KCNJ3: variants seen among roughly 807,000 people sequenced by gnomAD.
KCNJ3 encodes G protein-activated inward rectifier potassium channel 1.
A neutral mutation model predicts 39.2 loss-of-function variants in KCNJ3; 4 were observed. The observed-to-expected ratio is 0.10, with a 90% CI of 0.05 to 0.23. The LOEUF is 0.23. Among genes scored for constraint, KCNJ3 ranks in the 10% least tolerant of loss-of-function variants. KCNJ3 has a pLI of 1.00. For synonymous variants in KCNJ3, 230 were observed against 237.4 expected (o/e 0.97, Z 0.29); for missense variants, 276 against 634.9 (o/e 0.43, Z 6.08).
chr2:154,838,214 G>A (rs1216021360), intron 2 of KCNJ3, among the ~76,000 whole-genome samples: 3 of 152,130 alleles, frequency 2.0e-5, no homozygotes, highest in Non-Finnish European at 4.4e-5. Context: ...TATGTCAACA[G>A]GTGGAGAGAT....
chr2:154,700,014 T>C (rs1052172916), intron 1 of KCNJ3, among the ~76,000 whole-genome samples: 18 of 152,292 alleles, frequency 1.2e-4, no homozygotes, highest in African/African-American at 1.7e-4. Flanking sequence ...CCAATGACTT[T>C]AACTCTATGG....
chr2:154,725,652 G>A (rs1272480163), intron 2 of KCNJ3, among the ~76,000 whole-genome samples: 1 of 151,858 alleles, frequency 6.6e-6, no homozygotes, highest in Non-Finnish European at 1.5e-5. Flanking sequence ...GTCAAAGCAA[G>A]ACTAAGCAAA....
chr2:154,769,010 T>C (rs1347867314), intron 2 of KCNJ3, among the ~76,000 whole-genome samples: 1 of 152,212 alleles, frequency 6.6e-6, no homozygotes, highest in Non-Finnish European at 1.5e-5. Flanking sequence ...TGTAGAGGAA[T>C]GCTTGTGATT....
At chr2:154,786,977 G>A (rs756109411) in intron 2 of KCNJ3, among the ~76,000 whole-genome samples, 6 of 152,076 alleles carry the variant, frequency 3.9e-5, no homozygotes, top group Non-Finnish European at 8.8e-5. Flanking sequence ...TTAGCTTTCT[G>A]TATAACTTGA....
At chr2:154,782,216 T>C (rs1686451109) in intron 2 of KCNJ3, among the ~76,000 whole-genome samples, 1 of 152,194 alleles carries the variant, frequency 6.6e-6, no homozygotes, top group Non-Finnish European at 1.5e-5. Flanking sequence ...TTAAACTTGG[T>C]TCTGCTACTT....
chr2:154,782,621 T>C (rs1686457946), intron 2 of KCNJ3, among the ~76,000 whole-genome samples: 1 of 152,028 alleles, frequency 6.6e-6, no homozygotes, highest in Non-Finnish European at 1.5e-5. Flanking sequence ...TATCTACTAA[T>C]AAATCTGTGT....
intron 2 of KCNJ3, among the ~76,000 whole-genome samples, chr2:154,718,621 C>T (rs1685218729): frequency 6.6e-6 from 1 of 152,110 alleles, no homozygotes; most frequent in Non-Finnish European, 1.5e-5. Flanking sequence ...TCTTTTTGCA[C>T]TTAGGATTGG....
At chr2:154,831,277 ACTC>A (rs1452204905) in intron 2 of KCNJ3, among the ~76,000 whole-genome samples, 33 of 152,008 alleles carry the variant, frequency 2.2e-4, no homozygotes, top group Middle Eastern at 3.4e-3. Flanking sequence ...AACACCAAAT[ACTC>A]CTTATCTGAT....
At chr2:154,717,584 C>A (rs1331503375) in intron 2 of KCNJ3, among the ~76,000 whole-genome samples, 1 of 152,160 alleles carries the variant, frequency 6.6e-6, no homozygotes, top group African/African-American at 2.4e-5. Flanking sequence ...GCCCAGGATT[C>A]TTCCTCCCGA....
chr2:154,794,639 G>A (rs1046092966), intron 2 of KCNJ3, among the ~76,000 whole-genome samples: 3 of 151,936 alleles, frequency 2.0e-5, no homozygotes, highest in Non-Finnish European at 4.4e-5. Flanking sequence ...CTTGCCAAAT[G>A]GCATCTTGCC....
At chr2:154,790,522 A>G (rs1686611872) in intron 2 of KCNJ3, among the ~76,000 whole-genome samples, 1 of 152,122 alleles carries the variant, frequency 6.6e-6, no homozygotes, top group South Asian at 2.1e-4. Context: ...ATAGGATGAT[A>G]GATACACTAA....
At chr2:154,711,185 G>C (rs1284858296) in intron 2 of KCNJ3, among the ~76,000 whole-genome samples, 1 of 151,854 alleles carries the variant, frequency 6.6e-6, no homozygotes, top group Non-Finnish European at 1.5e-5. Flanking sequence ...AAATATCATA[G>C]TATTTTTTAA....
chr2:154,817,590 G>T (rs1337518017), intron 2 of KCNJ3, among the ~76,000 whole-genome samples: 1 of 152,090 alleles, frequency 6.6e-6, no homozygotes, highest in Non-Finnish European at 1.5e-5. Flanking sequence ...GCTCTATTAG[G>T]TTATCTAATC....
intron 2 of KCNJ3, among the ~76,000 whole-genome samples, chr2:154,832,456 A>G (rs1182325003): frequency 6.6e-6 from 1 of 152,144 alleles, no homozygotes; most frequent in Non-Finnish European, 1.5e-5. Context: ...TTCTCTTTTA[A>G]GATTATAGCA....
At chr2:154,717,851 A>T (rs1318435951) in intron 2 of KCNJ3, among the ~76,000 whole-genome samples, 1 of 152,186 alleles carries the variant, frequency 6.6e-6, no homozygotes, top group Non-Finnish European at 1.5e-5. Context: ...CTTTTTAGTG[A>T]TCTGTCAAAA....
intron 2 of KCNJ3, among the ~76,000 whole-genome samples, chr2:154,832,063 T>C (rs758858989): frequency 1.3e-5 from 2 of 151,970 alleles, no homozygotes; most frequent in Non-Finnish European, 2.9e-5. Flanking sequence ...CAGCTGTCTT[T>C]AGAATTAACA....
intron 2 of KCNJ3, 85 bp downstream of exon 2, chr2:154,709,904 G>A (rs867619186): frequency 1.5e-5 from 22 of 1,445,378 alleles, no homozygotes; most frequent in East Asian, 1.4e-4. Flanking sequence ...TGAATTGGGC[G>A]AAATGACTCA....
At chr2:154,708,161 T>C (rs1212509540) in intron 1 of KCNJ3, among the ~76,000 whole-genome samples, 1 of 152,144 alleles carries the variant, frequency 6.6e-6, no homozygotes, top group East Asian at 1.9e-4. Flanking sequence ...AAAAATAGTC[T>C]CCCTTTCATT....
At chr2:154,753,279 GT>G (rs1685880961) in intron 2 of KCNJ3, among the ~76,000 whole-genome samples, 1 of 152,114 alleles carries the variant, frequency 6.6e-6, no homozygotes, top group Non-Finnish European at 1.5e-5. Flanking sequence ...TCATAGTAAT[GT>G]TTATTAATAG....
Sources: allele counts gnomAD v4.1 joint callset (sites outside exome capture counted in the v4.1 genomes callset), GRCh38; gene constraint gnomAD v4.1.1; transcripts MANE v1.5; gene names NCBI Gene and HGNC (gene_info 2026-07-23, HGNC 2026-07-21).